The following FOCAD variants were observed in gnomAD, a reference collection of about 807,000 sequenced individuals.
FOCAD encodes the protein focadhesin, also known as KIAA1797.
Under a neutral mutation model 225.6 loss-of-function variants are expected in FOCAD, and 198 were observed. The ratio of observed to expected loss-of-function variants is 0.88; its 90% CI spans 0.78 to 0.99. The LOEUF is 0.99. Ranked by LOEUF, FOCAD falls within the 50% of genes least tolerant of loss-of-function variation. FOCAD has a pLI of 0.00. For missense variants in FOCAD, 2,713 were observed against 2,123.6 expected, an observed-to-expected ratio of 1.28 and a Z score of -5.46; for synonymous variants, 897 against 755.0, an observed-to-expected ratio of 1.19 and a Z score of -3.08.
At chr9:20,768,866 T>C (rs958062755) in intron 7 of FOCAD, among the ~76,000 whole-genome samples, 7 of 152,112 alleles carry the variant, frequency 4.6e-5, no homozygotes, top group Non-Finnish European at 8.8e-5. Flanking sequence ...TATTTCTACA[T>C]AAAGACAGAA....
intron 11 of FOCAD, among the ~76,000 whole-genome samples, chr9:20,806,394 C>G (rs1316704748): frequency 6.6e-6 from 1 of 152,084 alleles, no homozygotes; most frequent in Non-Finnish European, 1.5e-5. Flanking sequence ...GTTGTTATTT[C>G]TGAAGATGCT....
intron 37 of FOCAD, among the ~76,000 whole-genome samples, chr9:20,980,787 TTA>T: frequency 6.6e-6 from 1 of 152,340 alleles, no homozygotes; most frequent in Admixed American, 6.5e-5. Context: ...AGTAGCATGT[TTA>T]TGTTCCTAAG....
At chr9:20,959,042 AT>A (rs1838460770) in intron 35 of FOCAD, among the ~76,000 whole-genome samples, 1 of 152,128 alleles carries the variant, frequency 6.6e-6, no homozygotes. Flanking sequence ...TTTCCTTTGG[AT>A]ACCTGCCCAG....
At chr9:20,839,799 A>G (rs10964733) in intron 15 of FOCAD, among the ~76,000 whole-genome samples, 18,610 of 152,056 alleles carry the variant, frequency 0.12, 1,501 homozygotes, top group East Asian at 0.26. Context: ...TCTTTGTGTT[A>G]TGAACATTCC....
intron 1 of FOCAD, among the ~76,000 whole-genome samples, chr9:20,701,994 A>G (rs1823994346): frequency 6.6e-6 from 1 of 152,210 alleles, no homozygotes; most frequent in Non-Finnish European, 1.5e-5. Flanking sequence ...TCAGACTCAG[A>G]ATAATAACAT....
intron 28 of FOCAD, among the ~76,000 whole-genome samples, chr9:20,943,997 G>A (rs932282247): frequency 3.9e-5 from 6 of 152,178 alleles, no homozygotes; most frequent in African/African-American, 1.4e-4. Context: ...TGACAAGCCT[G>A]TCATTTGTCC....
intron 13 of FOCAD, 65 bp downstream of exon 13, chr9:20,820,490 T>C (rs1002993380): frequency 5.2e-6 from 7 of 1,353,860 alleles, no homozygotes; most frequent in African/African-American, 1.4e-5. Context: ...AAAATAATTA[T>C]GTCATATATG....
chr9:20,861,921 G>GAAC (rs1279574742), intron 15 of FOCAD, among the ~76,000 whole-genome samples: 3 of 152,070 alleles, frequency 2.0e-5, no homozygotes, highest in Non-Finnish European at 2.9e-5. Context: ...ATTGAATGAA[G>GAAC]AACACTTGGT....
At chr9:20,801,957 C>G (rs2131292055) in intron 11 of FOCAD, among the ~76,000 whole-genome samples, 1 of 152,208 alleles carries the variant, frequency 6.6e-6, no homozygotes, top group South Asian at 2.1e-4. Context: ...AGTGCTTCTA[C>G]CTGACCAATG....
chr9:20,724,643 A>C (rs1305292993), intron 4 of FOCAD, among the ~76,000 whole-genome samples: 2 of 152,032 alleles, frequency 1.3e-5, no homozygotes, highest in East Asian at 3.8e-4. Context: ...ATGTCAGAAA[A>C]CGTAATTTTC....
chr9:20,820,537 C>A (rs1587297233), intron 13 of FOCAD, 112 bp downstream of exon 13: 1 of 796,714 alleles, frequency 1.3e-6, no homozygotes, highest in Non-Finnish European at 1.9e-6. Context: ...TGAGTGGCAT[C>A]AGTGATTGCA....
In FOCAD at chr9:20,862,648, T is replaced by C. The variant is rs1408554116; in HGVS notation, c.1991T>C (p.Leu664Pro). ...KLSCDTRPLI[L>P]KTLSELFSLV... ...AGTTGTGACACAAGACCTCTCATTCTGAAGACACTGAGTGAACTATTTTCT... is the reference window on the plus strand; with the variant it reads ...AGTTGTGACACAAGACCTCTCATTCCGAAGACACTGAGTGAACTATTTTCT... The change falls in exon 16 of 44, where the codon CTG becomes CCG. Residue 664 changes from leucine (L) to proline (P), a missense_variant. By Grantham distance (98) the Leu-to-Pro change is moderately conservative. Coordinates refer to ENST00000338382, the MANE Select transcript of FOCAD (RefSeq NM_001375567.1). 4 of 1,613,702 alleles carry C rather than the reference T, an allele frequency of 2.5e-6. No individual in the cohort carries two copies. Among genetic ancestry groups the C allele is most frequent in the Non-Finnish European group, 3.4e-6 (4 of 1,179,708 alleles).
At chr9:20,728,596 G>T (rs561814815) in intron 4 of FOCAD, among the ~76,000 whole-genome samples, 1 of 152,248 alleles carries the variant, frequency 6.6e-6, no homozygotes, top group African/African-American at 2.4e-5. Flanking sequence ...AGTGAAAATT[G>T]TGGCACCTTT....
At chr9:20,874,527 G>T in intron 18 of FOCAD, 154 bp from the exon 19 acceptor site, 1 of 686,254 alleles carries the variant, frequency 1.5e-6, no homozygotes. Flanking sequence ...AAAATGAATA[G>T]ATTTTTAAAA....
chr9:20,808,077 C>T (rs533750311), intron 11 of FOCAD, among the ~76,000 whole-genome samples: 18 of 152,000 alleles, frequency 1.2e-4, no homozygotes, highest in Non-Finnish European at 2.2e-4. Flanking sequence ...CGAAATACTC[C>T]TTATTGGTTT....
intron 1 of FOCAD, among the ~76,000 whole-genome samples, chr9:20,696,280 T>C (rs1438934324): frequency 6.6e-6 from 1 of 152,220 alleles, no homozygotes; most frequent in African/African-American, 2.4e-5. Flanking sequence ...TTAATGATAA[T>C]GTATTGTATA....
At chr9:20,918,020 G>C (rs956601308) in intron 24 of FOCAD, among the ~76,000 whole-genome samples, 26 of 152,246 alleles carry the variant, frequency 1.7e-4, no homozygotes, top group African/African-American at 6.3e-4. Context: ...AGCTTAGATG[G>C]AGACTCATTC....
At chr9:20,745,321 C>G (rs1245783343) in intron 5 of FOCAD, among the ~76,000 whole-genome samples, 1 of 152,054 alleles carries the variant, frequency 6.6e-6, no homozygotes, top group Non-Finnish European at 1.5e-5. Flanking sequence ...AACTCCTGAG[C>G]TCAAGCGATC....
intron 15 of FOCAD, among the ~76,000 whole-genome samples, chr9:20,850,685 A>C (rs1353791501): frequency 6.6e-6 from 1 of 151,604 alleles, no homozygotes; most frequent in East Asian, 1.9e-4. Flanking sequence ...TTCTTTTATC[A>C]TATATGATTT....
Sources: allele counts gnomAD v4.1 joint callset (sites outside exome capture counted in the v4.1 genomes callset), GRCh38; gene constraint gnomAD v4.1.1; transcripts MANE v1.5; gene names NCBI Gene and HGNC (gene_info 2026-07-23, HGNC 2026-07-21).